CCSER1: variants seen among roughly 807,000 people sequenced by gnomAD.
CCSER1 encodes the protein serine-rich coiled-coil domain-containing protein 1.
CCSER1 carries 41 observed loss-of-function variants against 82.0 expected under a neutral mutation model. That is an observed-to-expected ratio of 0.50 (90% CI 0.39 to 0.65). The LOEUF (loss-of-function observed/expected upper bound fraction) is 0.65, where lower values mean the gene tolerates loss of function less well. Among genes scored for constraint, CCSER1 ranks in the 30% least tolerant of loss-of-function variants. The pLI, the probability that CCSER1 is intolerant of heterozygous loss-of-function variation, is 0.00. For synonymous variants in CCSER1, 414 were observed against 383.9 expected, an observed-to-expected ratio of 1.08 and a Z score of -0.92; for missense variants, 1,119 against 1,064.2, an observed-to-expected ratio of 1.05 and a Z score of -0.72.
At chr4:91,346,852 T>C (rs1251018145) in intron 10 of CCSER1, among the ~76,000 whole-genome samples, 1 of 152,190 alleles carries the variant, frequency 6.6e-6, no homozygotes, top group Non-Finnish European at 1.5e-5. Context: ...TTTTGAGTTA[T>C]AAGATATTTT....
chr4:90,165,534 G>T (rs187821356), intron 1 of CCSER1, among the ~76,000 whole-genome samples: 49 of 152,098 alleles, frequency 3.2e-4, no homozygotes, highest in Admixed American at 7.2e-4. Flanking sequence ...ACATTAAATT[G>T]TTACTCTTAT....
chr4:91,023,023 C>CA (rs1403565092), intron 9 of CCSER1, among the ~76,000 whole-genome samples: 1 of 152,092 alleles, frequency 6.6e-6, no homozygotes, highest in Admixed American at 6.6e-5. Flanking sequence ...AATTAGATCC[C>CA]ATTTGTCAAT....
chr4:90,837,022 C>T (rs549881070), intron 8 of CCSER1, among the ~76,000 whole-genome samples: 167 of 152,284 alleles, frequency 1.1e-3, no homozygotes, highest in Non-Finnish European at 1.9e-3. Flanking sequence ...TCATAGGCCA[C>T]ACTGAATCAT....
chr4:90,943,297 G>A (rs984114223), intron 9 of CCSER1, among the ~76,000 whole-genome samples: 2 of 151,986 alleles, frequency 1.3e-5, no homozygotes, highest in African/African-American at 4.8e-5. Context: ...AAGTTATTGT[G>A]TTCATATAGA....
chr4:91,362,498 ATATTT>A (rs1314199721), intron 10 of CCSER1, among the ~76,000 whole-genome samples: 4 of 151,908 alleles, frequency 2.6e-5, no homozygotes, highest in African/African-American at 9.7e-5. Flanking sequence ...AGAAAGAAAC[ATATTT>A]TATTTAAAGT....
chr4:91,025,793 G>A (rs12504169), intron 9 of CCSER1, among the ~76,000 whole-genome samples: 51,526 of 151,930 alleles, frequency 0.34, 10,552 homozygotes, highest in East Asian at 0.58. Context: ...GTGTATTAAA[G>A]AATCTTATTC....
chr4:90,866,614 A>C (rs1765761228), intron 8 of CCSER1, among the ~76,000 whole-genome samples: 1 of 152,098 alleles, frequency 6.6e-6, no homozygotes, highest in Non-Finnish European at 1.5e-5. Flanking sequence ...TCTTGTGTGT[A>C]GCAAGGCTAT....
chr4:91,394,980 G>A (rs1316609363), intron 10 of CCSER1, among the ~76,000 whole-genome samples: 1 of 151,620 alleles, frequency 6.6e-6, no homozygotes, highest in African/African-American at 2.4e-5. Flanking sequence ...TTAAAAATAG[G>A]CATTATAATA....
At chr4:90,154,278 G>A (rs1267546251) in intron 1 of CCSER1, among the ~76,000 whole-genome samples, 2 of 152,196 alleles carry the variant, frequency 1.3e-5, no homozygotes, top group African/African-American at 4.8e-5. Flanking sequence ...TTTGGTTACT[G>A]TAGCCTTGTA....
At chr4:91,221,627 C>T (rs1405154402) in intron 10 of CCSER1, among the ~76,000 whole-genome samples, 1 of 152,138 alleles carries the variant, frequency 6.6e-6, no homozygotes, top group Non-Finnish European at 1.5e-5. Flanking sequence ...AGGTCAAACA[C>T]ATATAGTTCG....
chr4:91,421,611 C>T (rs1688536224), intron 10 of CCSER1, among the ~76,000 whole-genome samples: 1 of 151,812 alleles, frequency 6.6e-6, no homozygotes, highest in East Asian at 1.9e-4. Context: ...AACATTTTAC[C>T]ACCTGTCTGT....
chr4:91,570,749 C>T (rs1182444367), intron 10 of CCSER1, among the ~76,000 whole-genome samples: 1 of 152,176 alleles, frequency 6.6e-6, no homozygotes, highest in East Asian at 1.9e-4. Context: ...GAGGGGCTGC[C>T]ATGAAGGTCT....
chr4:90,587,016 C>T (rs181634869), intron 5 of CCSER1, among the ~76,000 whole-genome samples: 208 of 152,178 alleles, frequency 1.4e-3, no homozygotes, highest in South Asian at 4.1e-3. Context: ...AAAAGTGAAA[C>T]GGGGGGAGGC....
intron 4 of CCSER1, among the ~76,000 whole-genome samples, chr4:90,429,762 T>G (rs974785075): frequency 2.0e-5 from 3 of 151,812 alleles, no homozygotes; most frequent in African/African-American, 7.2e-5. Context: ...TGATAAAGAT[T>G]ATGTGGCTTG....
intron 10 of CCSER1, among the ~76,000 whole-genome samples, chr4:91,187,009 G>A (rs1437902383): frequency 3.9e-5 from 6 of 152,166 alleles, no homozygotes; most frequent in African/African-American, 1.4e-4. Flanking sequence ...CCAGATTTTG[G>A]GGGGCCTGCT....
chr4:90,147,544 A>AT (rs1156926058), intron 1 of CCSER1, among the ~76,000 whole-genome samples: 1 of 152,178 alleles, frequency 6.6e-6, no homozygotes, highest in Non-Finnish European at 1.5e-5. Flanking sequence ...ATTTGAAAAG[A>AT]TAATTTTGTG....
chr4:90,580,957 G>T (rs1781357779), intron 5 of CCSER1, among the ~76,000 whole-genome samples: 1 of 152,100 alleles, frequency 6.6e-6, no homozygotes, highest in Non-Finnish European at 1.5e-5. Flanking sequence ...TTTTAAAAGG[G>T]TTAACTAGAA....
At chr4:91,164,910 G>A (rs948645178) in intron 10 of CCSER1, among the ~76,000 whole-genome samples, 1 of 152,162 alleles carries the variant, frequency 6.6e-6, no homozygotes, top group African/African-American at 2.4e-5. Context: ...TGTTATTACC[G>A]ACCTTCTGAA....
In CCSER1 at chr4:90,702,893, A is replaced by C. The variant is rs187884906; in HGVS notation, c.1933-21021A>C. Among the ~76,000 whole-genome samples, 72 of 152,194 alleles carry C rather than the reference A, an allele frequency of 4.7e-4. 1 individual carries two copies. The East Asian group carries it at 0.011, about 24-fold the overall frequency. Reference sequence around the variant, plus strand: ...TCTTTATTAGTCTTGCTAGCAGTCTATCAATTTTGTTGATCTTTTCAAAAA... The same window carrying C: ...TCTTTATTAGTCTTGCTAGCAGTCTCTCAATTTTGTTGATCTTTTCAAAAA... On this transcript the variant is annotated intron_variant, in intron 6 of 10. Coordinates refer to ENST00000509176, the MANE Select transcript of CCSER1 (RefSeq NM_001145065.2).
Sources: gnomAD v4.1 joint callset for allele counts (sites outside exome capture counted in the v4.1 genomes callset) on GRCh38, gnomAD v4.1.1 for gene constraint, MANE v1.5 for transcripts, NCBI Gene and HGNC (gene_info 2026-07-23, HGNC 2026-07-21) for gene names.